ZNF486: variants seen among roughly 807,000 people sequenced by gnomAD.
ZNF486 encodes zinc finger protein 486.
In ZNF486, 12 loss-of-function variants were observed where a neutral mutation model predicts 12.8. The observed-to-expected ratio is 0.94, with a 90% CI of 0.60 to 1.52. ZNF486 has a LOEUF of 1.52. ZNF486 is among the 40% of genes most tolerant of loss of function. The pLI, the probability that ZNF486 is intolerant of heterozygous loss-of-function variation, is 0.00. For missense variants in ZNF486, 738 were observed against 545.0 expected (o/e 1.35, Z -3.53); for synonymous variants, 231 against 184.9 (o/e 1.25, Z -2.02).
intron 1 of ZNF486, among the ~76,000 whole-genome samples, chr19:20,169,993 C>T (rs2089630869): frequency 6.6e-6 from 1 of 151,036 alleles, no homozygotes; most frequent in Admixed American, 6.6e-5. Context: ...CGGGTTCACG[C>T]CATTCTCCTG....
intron 1 of ZNF486, chr19:20,176,840 G>A (rs1487455251): frequency 6.6e-6 from 1 of 152,656 alleles, no homozygotes; most frequent in East Asian, 1.9e-4. Flanking sequence ...ACAGGGAGAG[G>A]GAGAGTCGAA....
chr19:20,179,168 A>G (rs888930714), intron 1 of ZNF486, among the ~76,000 whole-genome samples: 3 of 152,250 alleles, frequency 2.0e-5, no homozygotes, highest in Non-Finnish European at 4.4e-5. Context: ...GTATTCATCT[A>G]TTGAAACTGT....
intron 1 of ZNF486, among the ~76,000 whole-genome samples, chr19:20,170,713 G>A (rs1424852051): frequency 2.0e-5 from 3 of 152,200 alleles, no homozygotes; most frequent in Non-Finnish European, 4.4e-5. Flanking sequence ...AATGGGAAGG[G>A]TGTTTCTGTC....
intron 3 of ZNF486, among the ~76,000 whole-genome samples, chr19:20,191,783 AAAAG>A (rs1555717243): frequency 6.6e-6 from 1 of 152,138 alleles, no homozygotes. Flanking sequence ...AACAAAGAAA[AAAAG>A]AAAAAGAAAT....
At position 20,197,438 on chromosome 19, in the gene ZNF486, G is replaced by A. The variant is rs782564970; in HGVS notation, c.728G>A (p.Cys243Tyr). 1.2e-6 allele frequency: 2 copies of A among 1,613,626 alleles called. No homozygotes were observed. Among genetic ancestry groups the A allele is most frequent in the Non-Finnish European group, 8.5e-7 (1 of 1,179,856 alleles). Residue 243 changes from cysteine (C) to tyrosine (Y), a missense_variant, in exon 4 of 4, where the codon TGT becomes TAT. Cys to Tyr is a radical substitution (Grantham distance 194). Transcript: ENST00000335117. ...TREKPYKCEE[C>Y]GKVFKYFSSF... ...GAGAAACCCTACAAATGTGAAGAAT[G>A]TGGCAAAGTCTTTAAGTACTTCTCT... is the stretch of plus-strand genomic sequence containing the variant.
intron 3 of ZNF486, among the ~76,000 whole-genome samples, chr19:20,190,852 G>A (rs1270898582): frequency 1.3e-5 from 2 of 152,168 alleles, no homozygotes; most frequent in Admixed American, 1.3e-4. Context: ...CAGACCTCAT[G>A]CTGCAAAATA....
chr19:20,194,151 ATG>A (rs1555717575), intron 3 of ZNF486, among the ~76,000 whole-genome samples: 1 of 152,168 alleles, frequency 6.6e-6, no homozygotes, highest in Non-Finnish European at 1.5e-5. Flanking sequence ...ATTTTTGTGT[ATG>A]TGGATATCTT....
rs182839486 is a variant in ZNF486 at position 20,172,617 on chromosome 19, G to T, written c.30+5257G>T. 2.1e-3 allele frequency among the ~76,000 whole-genome samples: 312 copies of T among 151,322 alleles called. 1 individual carries two copies. In the Middle Eastern group the frequency reaches 0.021, roughly 10 times the overall value. On this transcript the variant is annotated intron_variant, in intron 1 of 3. Transcript: ENST00000335117. Reference sequence around the variant, plus strand: ...CCCGGCCTGCCTACTTTTTAATGAGGTTGTTTGTTTTTTTCTTGTAAACTT... The same window carrying T: ...CCCGGCCTGCCTACTTTTTAATGAGTTTGTTTGTTTTTTTCTTGTAAACTT...
chr19:20,174,110 A>G (rs2089679433), intron 1 of ZNF486, among the ~76,000 whole-genome samples: 2 of 152,186 alleles, frequency 1.3e-5, no homozygotes, highest in African/African-American at 2.4e-5. Context: ...GAAGCTTAGC[A>G]CAAAGATAGG....
chr19:20,172,995 T>C (rs1236058495), intron 1 of ZNF486, among the ~76,000 whole-genome samples: 2 of 152,160 alleles, frequency 1.3e-5, no homozygotes, highest in Non-Finnish European at 2.9e-5. Flanking sequence ...AGTTTGTAAA[T>C]ATTTTTGTTT....
At chr19:20,170,577 A>T (rs2122623493) in intron 1 of ZNF486, among the ~76,000 whole-genome samples, 1 of 149,486 alleles carries the variant, frequency 6.7e-6, no homozygotes, top group Non-Finnish European at 1.5e-5. Flanking sequence ...TCATCACAAG[A>T]AAAAAAAAAG....
chr19:20,171,049 C>G (rs1478121068), intron 1 of ZNF486, among the ~76,000 whole-genome samples: 1 of 151,992 alleles, frequency 6.6e-6, no homozygotes, highest in East Asian at 1.9e-4. Flanking sequence ...GTTGTGGGAC[C>G]GAGGGTCTAT....
chr19:20,186,801 T>TTTTTTTTTTTTG (rs2089852474), intron 3 of ZNF486, among the ~76,000 whole-genome samples: 1 of 150,164 alleles, frequency 6.7e-6, no homozygotes. Context: ...TTTTTTTTTT[T>TTTTTTTTTTTTG]GAGAAGGAGT....
rs782510863 is a variant in ZNF486 at position 20,197,698 on chromosome 19, G to A, written c.988G>A (p.Ala330Thr). Reference sequence around the variant, plus strand: ...GTACACGTGTGATAAATGTGGCAAAGCCTTTATTTCATCCTCGATCCTTAG... The same window carrying A: ...GTACACGTGTGATAAATGTGGCAAAACCTTTATTTCATCCTCGATCCTTAG... ...KPYTCDKCGKAFISSSILSKH... is the reference protein window; with the variant it reads ...KPYTCDKCGKTFISSSILSKH... The change falls in exon 4 of 4, where the codon GCC becomes ACC. Residue 330 changes from alanine (A) to threonine (T), a missense_variant. By Grantham distance (58) the Ala-to-Thr change is moderately conservative. Transcript: ENST00000335117. 6 of 1,613,732 alleles carry A rather than the reference G, an allele frequency of 3.7e-6. No individual in the cohort carries two copies. The highest frequency in any genetic ancestry group is 3.3e-5 in the Admixed American group (2 of 59,998).
intron 3 of ZNF486, among the ~76,000 whole-genome samples, chr19:20,190,037 C>T (rs1381029390): frequency 2.6e-5 from 4 of 151,896 alleles, no homozygotes; most frequent in Non-Finnish European, 5.9e-5. Flanking sequence ...CAGTTTTCAA[C>T]ATCATTTTTT....
chr19:20,193,454 G>A (rs1281301425), intron 3 of ZNF486, among the ~76,000 whole-genome samples: 1 of 151,996 alleles, frequency 6.6e-6, no homozygotes, highest in Non-Finnish European at 1.5e-5. Context: ...AAGGTCAGGA[G>A]TTCGAGAGCA....
intron 3 of ZNF486, 120 bp downstream of exon 3, chr19:20,186,202 G>A (rs1252247850): frequency 3.4e-6 from 2 of 584,576 alleles, no homozygotes; most frequent in Non-Finnish European, 5.6e-6. Flanking sequence ...ATAGTTCCTG[G>A]GCAGCTGTTT....
intron 3 of ZNF486, among the ~76,000 whole-genome samples, chr19:20,192,983 C>G (rs1394797043): frequency 1.3e-5 from 2 of 152,012 alleles, no homozygotes. Flanking sequence ...ATATTTTTCT[C>G]ATCTCCTGTT....
intron 1 of ZNF486, among the ~76,000 whole-genome samples, chr19:20,173,375 G>T (rs2089671010): frequency 6.6e-6 from 1 of 152,100 alleles, no homozygotes; most frequent in South Asian, 2.1e-4. Context: ...TTATAGGAGG[G>T]TGACATTATT....
Sources: gnomAD v4.1 joint callset for allele counts (sites outside exome capture counted in the v4.1 genomes callset) on GRCh38, gnomAD v4.1.1 for gene constraint, MANE v1.5 for transcripts, NCBI Gene and HGNC (gene_info 2026-07-23, HGNC 2026-07-21) for gene names.